Variants in NXPE3 observed in about 807,000 individuals in gnomAD.
NXPE3 encodes the protein neurexophilin and PC-esterase domain family member 3, also known as NXPE family member 3.
Under a neutral mutation model 46.1 loss-of-function variants are expected in NXPE3, and 26 were observed. The observed-to-expected ratio is 0.56, with a 90% CI of 0.41 to 0.78. NXPE3 has a LOEUF of 0.78. NXPE3 is among the 30% of genes least tolerant of loss of function. The pLI, the probability that NXPE3 is intolerant of heterozygous loss-of-function variation, is 0.00. For missense variants in NXPE3, 620 were observed against 686.0 expected (o/e 0.90, Z 1.07); for synonymous variants, 272 against 257.9 (o/e 1.05, Z -0.52).
chr3:101,790,482 T>G (rs997523798), intron 4 of NXPE3, among the ~76,000 whole-genome samples: 5 of 152,228 alleles, frequency 3.3e-5, no homozygotes, highest in African/African-American at 1.2e-4. Context: ...GTTGGCCTTC[T>G]TCATGCTTGG....
At chr3:101,779,833 T>A (rs1939711723) in intron 1 of NXPE3, 1 of 152,528 alleles carries the variant, frequency 6.6e-6, no homozygotes, top group South Asian at 2.1e-4. Flanking sequence ...GCCTCTTGGC[T>A]GGCGCTGCTG....
At chr3:101,812,266 GACA>G (rs1268608578) in intron 6 of NXPE3, among the ~76,000 whole-genome samples, 3 of 152,128 alleles carry the variant, frequency 2.0e-5, no homozygotes, top group Non-Finnish European at 2.9e-5. Flanking sequence ...CTATTTTAAA[GACA>G]ACTACTTTCC....
chr3:101,796,303 T>A (rs1940827105), intron 4 of NXPE3, among the ~76,000 whole-genome samples: 1 of 152,224 alleles, frequency 6.6e-6, no homozygotes, highest in East Asian at 1.9e-4. Flanking sequence ...GAGTGAGCCA[T>A]CTGTTTGGTA....
chr3:101,798,621 T>A (rs1940975612), intron 4 of NXPE3, among the ~76,000 whole-genome samples: 1 of 148,322 alleles, frequency 6.7e-6, no homozygotes, highest in Non-Finnish European at 1.5e-5. Flanking sequence ...TTTTTTCTTT[T>A]AAAGTTTTTG....
chr3:101,822,170 A>G lies in NXPE3; in HGVS notation c.*216A>G. ...TATCCAATGTTGACTTAGCCATGGT[A>G]GAACTCTTAACTGCATCTACACACT... On this transcript the variant is annotated 3_prime_UTR_variant, in exon 8 of 8. Coordinates refer to ENST00000273347, the MANE Select transcript of NXPE3 (RefSeq NM_145037.4). 3.7e-6 allele frequency: 2 copies of G among 547,658 alleles called. No individual in the cohort carries two copies. Among genetic ancestry groups the G allele is most frequent in the South Asian group, 2.6e-5 (1 of 38,752 alleles). 33.9% of individuals were successfully genotyped at this position (547,658 alleles called of 1,614,324 possible). A position where few individuals can be genotyped will look rare whatever the true frequency, so the allele number is the denominator to read the frequency against.
intron 4 of NXPE3, among the ~76,000 whole-genome samples, chr3:101,790,827 C>T (rs906914238): frequency 3.9e-5 from 6 of 152,188 alleles, no homozygotes; most frequent in Non-Finnish European, 8.8e-5. Context: ...CACTCCTGGG[C>T]TCAAGTGATC....
chr3:101,818,740 TATATATATATATA>T (rs1347038913), intron 7 of NXPE3, among the ~76,000 whole-genome samples: 54 of 33,484 alleles, frequency 1.6e-3, no homozygotes, highest in African/African-American at 5.9e-3. Context: ...TATATATATA[TATATATATATATA>T]TTTTTTTTTT....
intron 5 of NXPE3, among the ~76,000 whole-genome samples, chr3:101,803,734 C>T (rs946269671): frequency 1.3e-5 from 2 of 152,190 alleles, no homozygotes; most frequent in African/African-American, 4.8e-5. Context: ...ATTCTCCCAC[C>T]TCAGCCTCCC....
At chr3:101,794,662 A>C (rs1179270566) in intron 4 of NXPE3, among the ~76,000 whole-genome samples, 1 of 152,208 alleles carries the variant, frequency 6.6e-6, no homozygotes, top group Non-Finnish European at 1.5e-5. Flanking sequence ...ACAAAGTATT[A>C]TAATAGACAA....
intron 4 of NXPE3, among the ~76,000 whole-genome samples, chr3:101,796,865 G>A (rs1940857393): frequency 6.6e-6 from 1 of 152,176 alleles, no homozygotes; most frequent in Admixed American, 6.5e-5. Flanking sequence ...GAAGTGGTTT[G>A]TTATAGGTGG....
Position 101,801,749 on chromosome 3 carries a change from A to G in NXPE3, c.608A>G (p.Asp203Gly), listed in dbSNP as rs370550526. 6.2e-7 allele frequency: 1 copy of G among 1,614,218 alleles called. No individual in the cohort carries two copies. The highest frequency in any genetic ancestry group is 8.5e-7 in the Non-Finnish European group (1 of 1,180,026). Residue 203 changes from aspartate to glycine, a missense_variant, in exon 5 of 8, where the codon GAT (aspartate) becomes GGT (glycine). Physicochemically the swap from Asp to Gly is moderately conservative, Grantham distance 94. Around this residue, in one of 3 missense-constraint regions of NXPE3, gnomAD observed 511 missense variants for 528.6 expected, o/e 0.97. Coordinates refer to ENST00000273347, the MANE Select transcript of NXPE3 (RefSeq NM_145037.4). ...AGAGTTCTTCAGCGCTTACAGGAAG[A>G]TAAACCAGACAGGGTCTATTTCAAG... Reference protein sequence around the residue: ...GIRVLQRLQEDKPDRVYFKSL... With the variant: ...GIRVLQRLQEGKPDRVYFKSL...
At position 101,821,386 on chromosome 3, in the gene NXPE3, G is replaced by C. The variant is rs374892410; in HGVS notation, c.1130-18G>C. On this transcript the variant is annotated intron_variant, in intron 7 of 7. Transcript: ENST00000273347. ...TTGGTTTGAAGGTTTTTATGAACTT[G>C]AGTTTTCCTTGTTTCAGATTTAGTG... is the stretch of plus-strand genomic sequence containing the variant. 1.3e-4 allele frequency: 211 copies of C among 1,603,132 alleles called. 1 individual carries two copies. Among genetic ancestry groups the C allele is most frequent in the Middle Eastern group, 7.3e-4 (4 of 5,456 alleles).
At chr3:101,803,579 C>T (rs1941270606) in intron 5 of NXPE3, among the ~76,000 whole-genome samples, 1 of 152,052 alleles carries the variant, frequency 6.6e-6, no homozygotes. Flanking sequence ...ACTTTTTTGC[C>T]TATATATGAA....
chr3:101,787,784 C>G (rs2107249415), intron 4 of NXPE3, among the ~76,000 whole-genome samples: 1 of 152,326 alleles, frequency 6.6e-6, no homozygotes, highest in Non-Finnish European at 1.5e-5. Flanking sequence ...ATAGATGCTA[C>G]AGCATGTACA....
chr3:101,803,652 C>T (rs534059334), intron 5 of NXPE3, among the ~76,000 whole-genome samples: 1 of 152,336 alleles, frequency 6.6e-6, no homozygotes, highest in African/African-American at 2.4e-5. Flanking sequence ...CAGGGTCTCA[C>T]TTTGTCATCC....
Position 101,821,976 on chromosome 3 carries a change from G to A in NXPE3, c.*22G>A. ...CTAGCCTGTCTTGGAAGGGACTGGA[G>A]GAATCATATTCAATGACCTTCTCAA... is the stretch of plus-strand genomic sequence containing the variant. On this transcript the variant is annotated 3_prime_UTR_variant, in exon 8 of 8. Transcript: ENST00000273347. The A allele has an allele frequency of 6.3e-7, 1 of 1,598,632 alleles. No homozygotes were observed. The highest frequency in any genetic ancestry group is 8.6e-7 in the Non-Finnish European group (1 of 1,168,784).
intron 4 of NXPE3, among the ~76,000 whole-genome samples, chr3:101,799,094 T>C (rs1941000234): frequency 6.6e-6 from 1 of 151,954 alleles, no homozygotes; most frequent in African/African-American, 2.4e-5. Flanking sequence ...GCCACCACGC[T>C]TGGCTAACTT....
intron 4 of NXPE3, among the ~76,000 whole-genome samples, chr3:101,791,552 A>G (rs776457709): frequency 6.6e-5 from 10 of 151,740 alleles, no homozygotes; most frequent in African/African-American, 9.7e-5. Flanking sequence ...CGTCTGGCTA[A>G]TTTTTGTATT....
At position 101,785,470 on chromosome 3, in the gene NXPE3, G is replaced by T; in HGVS notation, c.-127G>T. On this transcript the variant is annotated 5_prime_UTR_variant, in exon 4 of 8. Transcript: ENST00000273347. Reference sequence around the variant, plus strand: ...TCTCCTCTGCATAAGAGCTCTTAAGGGTACTAGCAGGATAGAAGCAAATGA... The same window carrying T: ...TCTCCTCTGCATAAGAGCTCTTAAGTGTACTAGCAGGATAGAAGCAAATGA... 2 of 764,902 alleles carry T rather than the reference G, an allele frequency of 2.6e-6. No individual in the cohort carries two copies. Among genetic ancestry groups the T allele is most frequent in the East Asian group, 5.0e-5 (2 of 40,388 alleles). The allele number at this position is 764,902 out of a possible 1,614,324, so 47.4% of individuals were successfully genotyped here.
Sources: allele counts gnomAD v4.1 joint callset (sites outside exome capture counted in the v4.1 genomes callset), GRCh38; gene constraint gnomAD v4.1.1; regional missense constraint gnomAD v4.1.1; transcripts MANE v1.5; gene names NCBI Gene and HGNC (gene_info 2026-07-23, HGNC 2026-07-21).